NAALADL2: variants seen among roughly 807,000 people sequenced by gnomAD.
The protein encoded by NAALADL2 is inactive N-acetylated-alpha-linked acidic dipeptidase-like protein 2.
In NAALADL2, 76 loss-of-function variants were observed where a neutral mutation model predicts 87.2. The ratio of observed to expected loss-of-function variants is 0.87; its 90% CI spans 0.72 to 1.05. The LOEUF (loss-of-function observed/expected upper bound fraction) is 1.05. Among genes scored for constraint, NAALADL2 ranks in the 50% least tolerant of loss-of-function variants. The probability of loss-of-function intolerance (pLI) is 0.00; values close to 1 mark genes in which losing one functional copy is unlikely to be tolerated. For synonymous variants in NAALADL2, 354 were observed against 331.0 expected, an observed-to-expected ratio of 1.07 and a Z score of -0.75; for missense variants, 1,089 against 945.8, an observed-to-expected ratio of 1.15 and a Z score of -1.99.
chr3:175,049,108 T>A (rs1224706099), intron 1 of NAALADL2, among the ~76,000 whole-genome samples: 1 of 152,126 alleles, frequency 6.6e-6, no homozygotes, highest in Non-Finnish European at 1.5e-5. Context: ...GATATTTTTT[T>A]TTTCCTAGAA....
chr3:175,122,122 T>C (rs956642394), intron 2 of NAALADL2, among the ~76,000 whole-genome samples: 2 of 151,852 alleles, frequency 1.3e-5, no homozygotes, highest in African/African-American at 2.4e-5. Context: ...ATCCCACTTT[T>C]ACAAAGGATT....
intron 5 of NAALADL2, among the ~76,000 whole-genome samples, chr3:175,394,126 C>T (rs932975592): frequency 2.0e-5 from 3 of 152,032 alleles, no homozygotes; most frequent in Non-Finnish European, 4.4e-5. Flanking sequence ...AAAAGAAAAT[C>T]CTTTGGATTT....
In NAALADL2 at chr3:175,131,141, T is replaced by C. The variant is rs1727775818; in HGVS notation, c.545+33850T>C. ...TCATCTCTTTGGTTAAGTTTATTTC[T>C]AAGTATTTTATTCTTTTTTTTTTTT... On this transcript the variant is annotated intron_variant, in intron 2 of 13. Transcript: ENST00000454872. 1.3e-5 allele frequency among the ~76,000 whole-genome samples: 2 copies of C among 151,384 alleles called. 1 individual carries two copies. Among genetic ancestry groups the C allele is most frequent in the Admixed American group, 1.3e-4 (2 of 15,170 alleles).
intron 11 of NAALADL2, among the ~76,000 whole-genome samples, chr3:175,630,623 G>A (rs932980225): frequency 2.0e-5 from 3 of 151,664 alleles, no homozygotes; most frequent in Admixed American, 6.6e-5. Flanking sequence ...CACTAAGTTA[G>A]TGTGTACAAA....
chr3:175,213,458 G>C (rs549929284), intron 2 of NAALADL2, among the ~76,000 whole-genome samples: 2 of 152,220 alleles, frequency 1.3e-5, no homozygotes, highest in South Asian at 4.1e-4. Flanking sequence ...TAGTGTTATG[G>C]AGATATTCAT....
At chr3:174,892,298 G>A (rs11928974) in intron 1 of NAALADL2, among the ~76,000 whole-genome samples, 2,282 of 152,214 alleles carry the variant, frequency 0.015, 59 homozygotes, top group African/African-American at 0.052. Flanking sequence ...AAATAGTTGT[G>A]TTGAGGAAAG....
At chr3:174,782,318 T>A (rs1389680744) in intron 3 of NAALADL2, among the ~76,000 whole-genome samples, 1 of 152,172 alleles carries the variant, frequency 6.6e-6, no homozygotes, top group Non-Finnish European at 1.5e-5. Context: ...TATGTGTGTT[T>A]TAATAGAGTA....
intron 10 of NAALADL2, among the ~76,000 whole-genome samples, chr3:175,607,005 A>G (rs1723846118): frequency 6.6e-6 from 1 of 152,208 alleles, no homozygotes. Context: ...GAAAAAGAAG[A>G]CCACAAAAGC....
chr3:175,304,600 T>C (rs529186914), intron 4 of NAALADL2, among the ~76,000 whole-genome samples: 136 of 152,240 alleles, frequency 8.9e-4, no homozygotes, highest in African/African-American at 3.0e-3. Flanking sequence ...AAGCCGGTGC[T>C]CATTTCAACT....
intron 2 of NAALADL2, among the ~76,000 whole-genome samples, chr3:175,171,780 C>T (rs1200785494): frequency 6.6e-6 from 1 of 151,954 alleles, no homozygotes; most frequent in East Asian, 1.9e-4. Context: ...AACTTTAGTT[C>T]ATTTTATGTG....
chr3:174,441,837 A>T (rs2108254025), intron 1 of NAALADL2, among the ~76,000 whole-genome samples: 1 of 150,910 alleles, frequency 6.6e-6, no homozygotes, highest in African/African-American at 2.4e-5. Context: ...TTTACATTTC[A>T]ACCTATGGTC....
At chr3:175,412,579 G>A (rs968360225) in intron 5 of NAALADL2, among the ~76,000 whole-genome samples, 10 of 151,870 alleles carry the variant, frequency 6.6e-5, no homozygotes, top group African/African-American at 1.9e-4. Context: ...TCATTGCTTG[G>A]CATTATCATT....
intron 13 of NAALADL2, among the ~76,000 whole-genome samples, chr3:175,756,461 G>T (rs1375247201): frequency 1.3e-5 from 2 of 152,142 alleles, no homozygotes; most frequent in African/African-American, 4.8e-5. Context: ...AAAAAATGTG[G>T]TATATGTACT....
intron 5 of NAALADL2, among the ~76,000 whole-genome samples, chr3:175,340,311 C>T (rs1300929754): frequency 1.3e-5 from 2 of 152,080 alleles, no homozygotes; most frequent in Non-Finnish European, 2.9e-5. Context: ...ATATGGCTGT[C>T]TTTTCCTAGA....
intron 4 of NAALADL2, among the ~76,000 whole-genome samples, chr3:175,272,806 T>C (rs535215992): frequency 1.3e-5 from 2 of 152,288 alleles, no homozygotes; most frequent in South Asian, 4.1e-4. Context: ...TAATCTGTTA[T>C]CTTGGGTTAT....
chr3:174,604,501 G>GT (rs1455724451), intron 2 of NAALADL2, among the ~76,000 whole-genome samples: 2 of 152,002 alleles, frequency 1.3e-5, no homozygotes, highest in African/African-American at 2.4e-5. Context: ...ACTGAGTCCT[G>GT]TTTTTTGTTT....
intron 9 of NAALADL2, among the ~76,000 whole-genome samples, chr3:175,531,688 G>T (rs970919174): frequency 6.6e-6 from 1 of 152,228 alleles, no homozygotes; most frequent in Non-Finnish European, 1.5e-5. Context: ...GGAGAAAAAG[G>T]CATTTGCCAA....
At chr3:174,802,514 G>A (rs1578992657) in intron 3 of NAALADL2, among the ~76,000 whole-genome samples, 3 of 152,090 alleles carry the variant, frequency 2.0e-5, no homozygotes, top group African/African-American at 7.2e-5. Flanking sequence ...TTAAGTTCTA[G>A]GGTACATGTG....
At chr3:175,492,231 C>T (rs1728205865) in intron 9 of NAALADL2, among the ~76,000 whole-genome samples, 1 of 152,178 alleles carries the variant, frequency 6.6e-6, no homozygotes, top group Non-Finnish European at 1.5e-5. Context: ...TTTCCTTCCA[C>T]AACTCCTTTT....
Sources: allele counts gnomAD v4.1 joint callset (sites outside exome capture counted in the v4.1 genomes callset), GRCh38; gene constraint gnomAD v4.1.1; transcripts MANE v1.5; gene names NCBI Gene and HGNC (gene_info 2026-07-23, HGNC 2026-07-21).